The following DLGAP2 variants were observed in gnomAD, a reference collection of about 807,000 sequenced individuals.
The protein encoded by DLGAP2 is DLG associated protein 2.
Under a neutral mutation model 100.3 loss-of-function variants are expected in DLGAP2, and 26 were observed. The observed-to-expected ratio is 0.26, with a 90% CI of 0.19 to 0.36. DLGAP2 has a LOEUF of 0.36. DLGAP2 is among the 10% of genes least tolerant of loss of function. DLGAP2 has a pLI of 1.00. For missense variants in DLGAP2, 1,858 were observed against 1,453.2 expected, an observed-to-expected ratio of 1.28 and a Z score of -4.53; for synonymous variants, 886 against 630.1, an observed-to-expected ratio of 1.41 and a Z score of -6.08.
rs534913417 is a variant in DLGAP2 at position 1,231,307 on chromosome 8, G to C, written c.74-27544G>C. 2.6e-5 allele frequency among the ~76,000 whole-genome samples: 4 copies of C among 152,300 alleles called. No homozygotes were observed. In the South Asian group the frequency reaches 8.3e-4, roughly 32 times the overall value. On this transcript the variant is annotated intron_variant, in intron 2 of 14. Coordinates refer to ENST00000637795, the MANE Select transcript of DLGAP2 (RefSeq NM_001346810.2). ...ATGAGATACCATCTCACGCCAGTCA[G>C]AATGACTATTATTAAAAAGTCGAAA...
chr8:1,498,948 C>T (rs1584957025), intron 3 of DLGAP2, among the ~76,000 whole-genome samples: 1 of 152,246 alleles, frequency 6.6e-6, no homozygotes, highest in South Asian at 2.1e-4. Context: ...CATGTACCCT[C>T]AGCCCATGCT....
intron 4 of DLGAP2, among the ~76,000 whole-genome samples, chr8:1,537,092 G>GTATGTGT (rs1292101970): frequency 6.6e-6 from 1 of 151,998 alleles, no homozygotes; most frequent in Non-Finnish European, 1.5e-5. Context: ...GTGGTATGTG[G>GTATGTGT]TGTGTGGTGT....
chr8:1,013,517 G>A (rs150898002), intron 2 of DLGAP2, among the ~76,000 whole-genome samples: 1 of 151,996 alleles, frequency 6.6e-6, no homozygotes, highest in South Asian at 2.1e-4. Context: ...CTGTGGGGGC[G>A]TGATGGGGGT....
At position 1,312,000 on chromosome 8, in the gene DLGAP2, G is replaced by C. The variant is rs78834406; in HGVS notation, c.106+53117G>C. Among the ~76,000 whole-genome samples the C allele has an allele frequency of 1.2e-3, 177 of 152,332 alleles. 1 individual carries two copies. Among genetic ancestry groups the C allele is most frequent in the African/African-American group, 4.1e-3 (169 of 41,576 alleles). Reference sequence around the variant, plus strand: ...CAGTAATTGACAGATCCAGCAGGCAGAAATTCAGAAATTCAGCAATGACAG... The same window carrying C: ...CAGTAATTGACAGATCCAGCAGGCACAAATTCAGAAATTCAGCAATGACAG... On this transcript the variant is annotated intron_variant, in intron 3 of 14. Coordinates refer to ENST00000637795, the MANE Select transcript of DLGAP2 (RefSeq NM_001346810.2).
chr8:1,677,745 G>A (rs896535349), intron 11 of DLGAP2, among the ~76,000 whole-genome samples: 8 of 152,182 alleles, frequency 5.3e-5, no homozygotes, highest in African/African-American at 1.4e-4. Flanking sequence ...TTGCATACAG[G>A]GGTTAATGGG....
intron 6 of DLGAP2, among the ~76,000 whole-genome samples, chr8:1,602,231 G>A (rs1410833264): frequency 6.6e-6 from 1 of 152,212 alleles, no homozygotes; most frequent in East Asian, 1.9e-4. Flanking sequence ...AGTGTTTCTA[G>A]TAAACAGTGT....
At chr8:1,244,778 G>C (rs911490661) in intron 2 of DLGAP2, among the ~76,000 whole-genome samples, 1 of 152,212 alleles carries the variant, frequency 6.6e-6, no homozygotes, top group African/African-American at 2.4e-5. Flanking sequence ...AAGTAAACCA[G>C]TTGAGCTTTA....
chr8:1,441,756 G>A (rs1170236879), intron 3 of DLGAP2, among the ~76,000 whole-genome samples: 1 of 148,532 alleles, frequency 6.7e-6, no homozygotes, highest in African/African-American at 2.5e-5. Context: ...CTCTCAGCTT[G>A]TGAGAGTGGG....
At chr8:892,536 G>A (rs973280622) in intron 1 of DLGAP2, among the ~76,000 whole-genome samples, 1 of 151,904 alleles carries the variant, frequency 6.6e-6, no homozygotes, top group African/African-American at 2.4e-5. Context: ...GGGTGCCAGG[G>A]GCTGGGGAGG....
intron 8 of DLGAP2, among the ~76,000 whole-genome samples, chr8:1,660,232 C>T (rs1219533316): frequency 6.6e-6 from 1 of 152,168 alleles, no homozygotes; most frequent in Non-Finnish European, 1.5e-5. Context: ...CATGGGCTTC[C>T]CTTTGTGTGT....
chr8:1,064,376 T>A (rs1803180466), intron 2 of DLGAP2, among the ~76,000 whole-genome samples: 1 of 152,228 alleles, frequency 6.6e-6, no homozygotes, highest in Non-Finnish European at 1.5e-5. Context: ...GCAACCTGTT[T>A]CATACAACCA....
chr8:1,382,436 G>A (rs908819037), intron 3 of DLGAP2, among the ~76,000 whole-genome samples: 4 of 152,156 alleles, frequency 2.6e-5, no homozygotes, highest in African/African-American at 7.2e-5. Flanking sequence ...GAATATATGT[G>A]CAGAAATATG....
intron 2 of DLGAP2, among the ~76,000 whole-genome samples, chr8:1,062,309 C>T (rs1803108348): frequency 6.6e-6 from 1 of 152,190 alleles, no homozygotes; most frequent in Admixed American, 6.5e-5. Context: ...TGCAGAGCTC[C>T]GTGGCAGCCT....
rs745329002 is a variant in DLGAP2, at chr8:1,708,221, A to G, written c.*6815A>G. On this transcript the variant is annotated 3_prime_UTR_variant, in exon 15 of 15. Transcript: ENST00000637795. ...TAGTTTGGCAATTAAATTTTTTGAGAAAAGTAATGTTTACTTTTTTATTGG... is the reference window on the plus strand; with the variant it reads ...TAGTTTGGCAATTAAATTTTTTGAGGAAAGTAATGTTTACTTTTTTATTGG... 2 of 152,194 alleles carry G rather than the reference A, an allele frequency of 1.3e-5. No individual in the cohort carries two copies. The highest frequency in any genetic ancestry group is 2.4e-5 in the African/African-American group (1 of 41,446). The allele number at this position is 152,194 out of a possible 1,614,324, so 9.4% of individuals were successfully genotyped here. A position where few individuals can be genotyped will look rare whatever the true frequency, so the allele number is the denominator to read the frequency against.
At chr8:951,277 A>G (rs561477669) in intron 2 of DLGAP2, among the ~76,000 whole-genome samples, 40 of 152,282 alleles carry the variant, frequency 2.6e-4, no homozygotes, top group Non-Finnish European at 4.4e-4. Flanking sequence ...GGATAAATGT[A>G]TTCTGTTGCC....
chr8:1,215,412 A>C (rs1798194413), intron 2 of DLGAP2, among the ~76,000 whole-genome samples: 1 of 152,130 alleles, frequency 6.6e-6, no homozygotes, highest in African/African-American at 2.4e-5. Context: ...ATTAGGGTGC[A>C]TCACCTGGAG....
At chr8:945,700 C>T (rs1417703779) in intron 2 of DLGAP2, among the ~76,000 whole-genome samples, 3 of 152,170 alleles carry the variant, frequency 2.0e-5, no homozygotes, top group Non-Finnish European at 4.4e-5. Context: ...TCTTTAGCAG[C>T]ATCTTTATTG....
chr8:1,489,685 G>A (rs898878111), intron 3 of DLGAP2, among the ~76,000 whole-genome samples: 1 of 152,162 alleles, frequency 6.6e-6, no homozygotes, highest in Non-Finnish European at 1.5e-5. Context: ...AGAGCCCATC[G>A]CTGTGAGCAT....
At chr8:1,320,878 T>TGC (rs979705251) in intron 3 of DLGAP2, among the ~76,000 whole-genome samples, 8 of 152,110 alleles carry the variant, frequency 5.3e-5, no homozygotes, top group African/African-American at 1.7e-4. Flanking sequence ...CGTGTGTGTG[T>TGC]GCACATGTCT....
Sources: allele counts gnomAD v4.1 joint callset (sites outside exome capture counted in the v4.1 genomes callset), GRCh38; gene constraint gnomAD v4.1.1; transcripts MANE v1.5; gene names NCBI Gene and HGNC (gene_info 2026-07-23, HGNC 2026-07-21).